Variants in FAM53A observed in about 807,000 individuals in gnomAD.
FAM53A encodes the protein family with sequence similarity 53 member A, also known as protein FAM53A.
In FAM53A, 28 loss-of-function variants were observed where a neutral mutation model predicts 26.6. That is an observed-to-expected ratio of 1.05 (90% CI 0.78 to 1.45). The LOEUF (loss-of-function observed/expected upper bound fraction) is 1.45. FAM53A is among the 40% of genes most tolerant of loss of function. The pLI, the probability that FAM53A is intolerant of heterozygous loss-of-function variation, is 0.00. For missense variants in FAM53A, 650 were observed against 575.8 expected (o/e 1.13, Z -1.32); for synonymous variants, 290 against 253.1 (o/e 1.15, Z -1.38).
the FAM53A span, among the ~76,000 whole-genome samples, chr4:1,595,266 C>A: frequency 6.6e-6 from 1 of 152,178 alleles, no homozygotes; most frequent in African/African-American, 2.4e-5. Flanking sequence ...AGAAGGCGGG[C>A]AGCAGGAGCC....
chr4:1,671,801 C>T (rs1449080730), intron 1 of FAM53A, among the ~76,000 whole-genome samples: 2 of 152,260 alleles, frequency 1.3e-5, no homozygotes, highest in African/African-American at 2.4e-5. Context: ...TTGCACAAAG[C>T]ACACACACAA....
Position 1,655,243 on chromosome 4 carries a change from G to C in FAM53A, c.617C>G (p.Pro206Arg). The change falls in exon 4 of 5, where the codon CCG becomes CGG. Residue 206 changes from proline (P) to arginine (R), a missense_variant. By Grantham distance (103) the Pro-to-Arg change is moderately radical. Coordinates refer to ENST00000308132, the MANE Select transcript of FAM53A (RefSeq NM_001174070.3). Reference protein sequence around the residue: ...DSSEGSAGSGPLWCSAESCLP... With the variant: ...DSSEGSAGSGRLWCSAESCLP... ...GCAGGACTCCGCGGAACACCAGAGC[G>C]GGCCTGAGCCCGCACTGCCCTCGCT... is the stretch of plus-strand genomic sequence containing the variant. The C allele has an allele frequency of 1.3e-6, 2 of 1,505,330 alleles. No individual in the cohort carries two copies. The highest frequency in any genetic ancestry group is 2.4e-5 in the East Asian group (1 of 41,108). 93.2% of individuals were successfully genotyped at this position (1,505,330 alleles called of 1,614,324 possible). A position where few individuals can be genotyped will look rare whatever the true frequency, so the allele number is the denominator to read the frequency against.
chr4:1,670,249 C>A (rs750609826), intron 1 of FAM53A, among the ~76,000 whole-genome samples: 5 of 152,268 alleles, frequency 3.3e-5, no homozygotes, highest in Non-Finnish European at 7.3e-5. Flanking sequence ...CTGCGTTCCA[C>A]GCTTAAAATG....
At chr4:1,671,952 T>A (rs1202937335) in intron 1 of FAM53A, among the ~76,000 whole-genome samples, 2 of 152,146 alleles carry the variant, frequency 1.3e-5, no homozygotes, top group African/African-American at 4.8e-5. Flanking sequence ...CCTGTTGAGG[T>A]ACAGGAAGTG....
intron 2 of FAM53A, among the ~76,000 whole-genome samples, chr4:1,664,650 C>G (rs1161422266): frequency 2.0e-5 from 3 of 152,164 alleles, no homozygotes; most frequent in Non-Finnish European, 4.4e-5. Flanking sequence ...TGGGTTTCCT[C>G]AACACAGGCA....
At chr4:1,667,025 G>A (rs1371468548) in intron 2 of FAM53A, among the ~76,000 whole-genome samples, 1 of 152,190 alleles carries the variant, frequency 6.6e-6, no homozygotes, top group African/African-American at 2.4e-5. Context: ...CTACTCAGGA[G>A]GCTGAGGCGG....
intron 1 of FAM53A, among the ~76,000 whole-genome samples, chr4:1,623,685 C>T (rs573761867): frequency 2.6e-5 from 4 of 152,366 alleles, no homozygotes; most frequent in Non-Finnish European, 4.4e-5. Flanking sequence ...CCCCGGGAGC[C>T]GCGCGATGCC....
chr4:1,635,922 C>A (rs889873212), downstream of FAM53A, among the ~76,000 whole-genome samples: 11 of 144,356 alleles, frequency 7.6e-5, no homozygotes, highest in African/African-American at 2.9e-4. Context: ...CGGCTCACTG[C>A]AAGCTCTGCC....
At chr4:1,591,400 G>T in the FAM53A span, among the ~76,000 whole-genome samples, 1 of 152,120 alleles carries the variant, frequency 6.6e-6, no homozygotes, top group Non-Finnish European at 1.5e-5. Context: ...ACCTAAAGAA[G>T]CCAGCCACCC....
At chr4:1,609,451 A>C in the FAM53A span, among the ~76,000 whole-genome samples, 1 of 151,988 alleles carries the variant, frequency 6.6e-6, no homozygotes, top group Admixed American at 6.5e-5. Flanking sequence ...ATGCCATGGG[A>C]GGGACTCGGT....
At position 1,626,231 on chromosome 4, in the gene FAM53A, C is replaced by T. The variant is rs565324277; in HGVS notation, c.432-8120G>A. Among the ~76,000 whole-genome samples the T allele has an allele frequency of 1.3e-4, 20 of 152,296 alleles. No homozygotes were observed. In the East Asian group the frequency reaches 3.1e-3, roughly 24 times the overall value. On this transcript the variant is annotated intron_variant, in intron 1 of 1. Transcript: ENST00000489029. ...CAGGAGGAGGAGGTAGGGGTCAGGC[C>T]GGACCTTACCCCAAGCTGAGCCCAA...
chr4:1,621,962 G>A (rs1360596737), intron 1 of FAM53A, among the ~76,000 whole-genome samples: 1 of 152,190 alleles, frequency 6.6e-6, no homozygotes, highest in East Asian at 1.9e-4. Flanking sequence ...CCGCATTCAT[G>A]AACGAATCGA....
At chr4:1,638,171 G>A (rs1715932420), downstream of FAM53A, among the ~76,000 whole-genome samples, 2 of 151,820 alleles carry the variant, frequency 1.3e-5, no homozygotes, top group South Asian at 4.1e-4. Flanking sequence ...GGCCAACCAA[G>A]GGACTCAAAT....
chr4:1,629,570 C>A (rs962996071), intron 1 of FAM53A, among the ~76,000 whole-genome samples: 5 of 152,182 alleles, frequency 3.3e-5, no homozygotes, highest in Middle Eastern at 3.2e-3. Context: ...ACCCCCTCAT[C>A]CTGCCTGTGG....
chr4:1,682,662 C>G (rs1031089584), intron 1 of FAM53A, among the ~76,000 whole-genome samples: 2 of 152,092 alleles, frequency 1.3e-5, no homozygotes, highest in African/African-American at 4.8e-5. Context: ...AATGTGTACT[C>G]TCTCGGATTA....
At chr4:1,673,246 G>A (rs1054544419) in intron 1 of FAM53A, among the ~76,000 whole-genome samples, 4 of 152,126 alleles carry the variant, frequency 2.6e-5, no homozygotes, top group African/African-American at 9.7e-5. Flanking sequence ...TCAGAAAAAC[G>A]GCAGGGAGGA....
chr4:1,638,553 G>A (rs1204129156), downstream of FAM53A, among the ~76,000 whole-genome samples: 1 of 152,182 alleles, frequency 6.6e-6, no homozygotes, highest in Admixed American at 6.5e-5. Context: ...CCAGAGGTTT[G>A]GGGAAGGAGG....
intron 1 of FAM53A, among the ~76,000 whole-genome samples, chr4:1,625,831 G>A (rs1419778284): frequency 2.6e-5 from 4 of 152,220 alleles, no homozygotes; most frequent in Admixed American, 2.0e-4. Flanking sequence ...GTCACGCCAA[G>A]TGGAGCCTTG....
the FAM53A span, among the ~76,000 whole-genome samples, chr4:1,593,297 G>A: frequency 1.3e-5 from 2 of 152,060 alleles, no homozygotes; most frequent in Middle Eastern, 3.2e-3. Context: ...GAGGGAAGCC[G>A]GCGCGGCAGG....
Sources: allele counts gnomAD v4.1 joint callset (sites outside exome capture counted in the v4.1 genomes callset), GRCh38; gene constraint gnomAD v4.1.1; transcripts MANE v1.5; gene names NCBI Gene and HGNC (gene_info 2026-07-23, HGNC 2026-07-21).